The following PPIP5K2 variants were observed in gnomAD, a reference collection of about 807,000 sequenced individuals.
PPIP5K2 encodes inositol hexakisphosphate and diphosphoinositol-pentakisphosphate kinase 2.
In PPIP5K2, 105 loss-of-function variants were observed where a neutral mutation model predicts 154.6. That is an observed-to-expected ratio of 0.68 (90% CI 0.58 to 0.80). The LOEUF (loss-of-function observed/expected upper bound fraction) is 0.80, where lower values mean the gene tolerates loss of function less well. Ranked by LOEUF, PPIP5K2 falls within the 30% of genes least tolerant of loss-of-function variation. PPIP5K2 has a pLI of 0.00. For missense variants in PPIP5K2, 992 were observed against 1,504.6 expected (o/e 0.66, Z 5.64); for synonymous variants, 480 against 490.3 (o/e 0.98, Z 0.28).
chr5:103,129,474 T>C lies in PPIP5K2; in HGVS notation c.-116T>C. The stretch of plus-strand genomic sequence containing the variant: ...AGTGATTGTATAAGCAGAAACAAGC[T>C]GTCACAGACCTGTGCGTCAGCTAAT... On this transcript the variant is annotated 5_prime_UTR_variant, in exon 2 of 31. Coordinates refer to ENST00000358359, the MANE Select transcript of PPIP5K2 (RefSeq NM_001276277.3). The C allele has an allele frequency of 1.4e-6, 1 of 716,870 alleles. No homozygotes were observed. The highest frequency in any genetic ancestry group is 2.1e-6 in the Non-Finnish European group (1 of 478,696). The allele number at this position is 716,870 out of a possible 1,614,324, so 44.4% of individuals were successfully genotyped here.
intron 21 of PPIP5K2, chr5:103,176,766 G>A (rs1554221056): frequency 8.2e-6 from 5 of 608,344 alleles, no homozygotes; most frequent in Non-Finnish European, 1.4e-5. Flanking sequence ...ACTTTGAGTA[G>A]TTTTGCCTTT....
intron 1 of PPIP5K2, among the ~76,000 whole-genome samples, chr5:103,127,316 C>T (rs2149444684): frequency 6.6e-6 from 1 of 152,230 alleles, no homozygotes; most frequent in East Asian, 1.9e-4. Flanking sequence ...AGTAGATAGA[C>T]ATTTATTACA....
Position 103,159,143 on chromosome 5 carries a change from TA to T in PPIP5K2, c.1738-2del. ...TCGTGTTTTCTTTATTTAATATGCT[TA>T]GGGGCTTTTAGCTTTGGAAGGAGAG... On this transcript the variant is annotated splice_acceptor_variant, in intron 16 of 30. Coordinates refer to ENST00000358359, the MANE Select transcript of PPIP5K2 (RefSeq NM_001276277.3). LOFTEE classifies it high-confidence loss of function. 3 of 1,559,458 alleles carry T rather than the reference TA, an allele frequency of 1.9e-6. No homozygotes were observed. Among genetic ancestry groups the T allele is most frequent in the Non-Finnish European group, 2.6e-6 (3 of 1,148,792 alleles).
In PPIP5K2 at chr5:103,154,675, T is replaced by C; in HGVS notation, c.1223T>C (p.Phe408Ser). ...TGTTCTGTCTTTTTTATAAGATTTT[T>C]TGATCTTTTTGAAAAGTGTGATGGA... ...MKMEVRHQKF[F>S]DLFEKCDGYK... is the part of the protein sequence containing the mutation. The change falls in exon 12 of 31, where the codon TTT becomes TCT. Residue 408 changes from phenylalanine to serine, a missense_variant. Physicochemically the swap from Phe to Ser is radical, Grantham distance 155. This residue lies in a region of PPIP5K2 where 163 missense variants were observed against 285.2 expected (regional missense o/e 0.57). Transcript: ENST00000358359. 1 of 1,517,004 alleles carries C rather than the reference T, an allele frequency of 6.6e-7. No homozygotes were observed. Among genetic ancestry groups the C allele is most frequent in the African/African-American group, 1.4e-5 (1 of 71,808 alleles). 94.0% of individuals were successfully genotyped at this position (1,517,004 alleles called of 1,614,324 possible).
chr5:103,158,596 A>T, intron 16 of PPIP5K2, 23 bp downstream of exon 16: 1 of 1,541,434 alleles, frequency 6.5e-7, no homozygotes, highest in Non-Finnish European at 8.7e-7. Context: ...TTTTTTTAGA[A>T]TTATTAGAGT....
chr5:103,191,155 C>CT (rs1801169406), intron 29 of PPIP5K2, 173 bp downstream of exon 29: 22 of 453,830 alleles, frequency 4.8e-5, no homozygotes, highest in East Asian at 7.4e-5. Context: ...AACTGTACCT[C>CT]TTTTTTTTAC....
At chr5:103,138,512 C>G in intron 5 of PPIP5K2, 43 bp downstream of exon 5, 2 of 1,310,818 alleles carry the variant, frequency 1.5e-6, no homozygotes, top group Non-Finnish European at 2.2e-6. Context: ...TGCCACTTGA[C>G]ATACTTTTGG....
Position 103,132,668 on chromosome 5 carries a change from T to G in PPIP5K2, c.115-785T>G, listed in dbSNP as rs2149468415. 1.3e-5 allele frequency among the ~76,000 whole-genome samples: 2 copies of G among 152,294 alleles called. 1 individual carries two copies. The highest frequency in any genetic ancestry group is 4.1e-4 in the South Asian group (2 of 4,832). On this transcript the variant is annotated intron_variant, in intron 2 of 30. Transcript: ENST00000358359. ...AATGTTGTATGAAATATATAAAGTA[T>G]CATGCAAGAAAGAAAAATTGAAATG...
At chr5:103,155,709 A>C (rs1333007243) in intron 13 of PPIP5K2, among the ~76,000 whole-genome samples, 200 bp from the exon 14 acceptor site, 2 of 151,780 alleles carry the variant, frequency 1.3e-5, no homozygotes, top group Non-Finnish European at 2.9e-5. Flanking sequence ...TACAGGCTTG[A>C]GCCATGGCAC....
chr5:103,157,311 G>A (rs976133142), intron 14 of PPIP5K2, among the ~76,000 whole-genome samples: 31 of 152,022 alleles, frequency 2.0e-4, no homozygotes, highest in Admixed American at 1.7e-3. Flanking sequence ...AAAATACTCT[G>A]ATGTGTAACA....
At chr5:103,155,574 C>T (rs1029108768) in intron 13 of PPIP5K2, among the ~76,000 whole-genome samples, 3 of 151,140 alleles carry the variant, frequency 2.0e-5, no homozygotes, top group Non-Finnish European at 4.4e-5. Context: ...ACCACAGGCA[C>T]ACACCACCAT....
At chr5:103,175,169 G>A (rs1798517846) in intron 21 of PPIP5K2, among the ~76,000 whole-genome samples, 1 of 152,122 alleles carries the variant, frequency 6.6e-6, no homozygotes, top group Non-Finnish European at 1.5e-5. Context: ...GAAGGGCAGT[G>A]ACATATATAG....
intron 8 of PPIP5K2, 59 bp downstream of exon 8, chr5:103,149,372 G>A (rs1794244400): frequency 6.8e-7 from 1 of 1,462,726 alleles, no homozygotes; most frequent in African/African-American, 1.4e-5. Context: ...TTTCTTTTTT[G>A]ACTAAGACAT....
At chr5:103,159,041 T>G (rs1342048166) in intron 16 of PPIP5K2, 105 bp from the exon 17 acceptor site, 1 of 802,018 alleles carries the variant, frequency 1.2e-6, no homozygotes, top group East Asian at 3.0e-5. Context: ...ATAAAGTTTA[T>G]TTATGATAAA....
In PPIP5K2 at chr5:103,180,013, G is replaced by C. The variant is rs1554222057; in HGVS notation, c.2755-8G>C. ...ATAGTAAAAGTGTTTTATATTCTTT[G>C]CTCACAGAATGAAGGCAGGAGACCT... On this transcript the variant is annotated splice_polypyrimidine_tract_variant and splice_region_variant and intron_variant, in intron 23 of 30. Coordinates refer to ENST00000358359, the MANE Select transcript of PPIP5K2 (RefSeq NM_001276277.3). 4.6e-6 allele frequency: 7 copies of C among 1,511,256 alleles called. No individual in the cohort carries two copies. The highest frequency in any genetic ancestry group is 5.3e-6 in the Non-Finnish European group (6 of 1,131,292). The allele number at this position is 1,511,256 out of a possible 1,614,324, so 93.6% of individuals were successfully genotyped here. A position where few individuals can be genotyped will look rare whatever the true frequency, so the allele number is the denominator to read the frequency against.
At chr5:103,141,627 A>T (rs1554206786) in intron 5 of PPIP5K2, among the ~76,000 whole-genome samples, 1 of 152,170 alleles carries the variant, frequency 6.6e-6, no homozygotes, top group Non-Finnish European at 1.5e-5. Flanking sequence ...CAGATTAGTT[A>T]GATACAGAGT....
At chr5:103,145,545 A>G (rs1327191572) in intron 5 of PPIP5K2, among the ~76,000 whole-genome samples, 1 of 152,118 alleles carries the variant, frequency 6.6e-6, no homozygotes, top group African/African-American at 2.4e-5. Flanking sequence ...AGATAATGGT[A>G]TATTATTCAG....
rs782035628 is a variant in PPIP5K2, at chr5:103,183,369, T to C, written c.3058T>C (p.Leu1020=). 6.8e-6 allele frequency: 11 copies of C among 1,611,262 alleles called. No individual in the cohort carries two copies. The East Asian group carries it at 1.8e-4, about 26-fold the overall frequency. ...TTCTTCCCCTGTCTCCCCCAAATCA[T>C]TGGCTTTCACATCCAGTATTTTTGG... ...ITSSPVSPKS[L]AFTSSIFGSW... Residue 1020 remains leucine, a synonymous_variant, in exon 25 of 31, where the codon TTG becomes CTG. Coordinates refer to ENST00000358359, the MANE Select transcript of PPIP5K2 (RefSeq NM_001276277.3).
intron 17 of PPIP5K2, among the ~76,000 whole-genome samples, chr5:103,163,086 G>GTTTTTTT (rs35922283): frequency 5.0e-5 from 3 of 59,862 alleles, no homozygotes; most frequent in Non-Finnish European, 6.7e-5. Context: ...TTCTTCAAGT[G>GTTTTTTT]TTTTTTTTTT....
Sources: allele counts gnomAD v4.1 joint callset (sites outside exome capture counted in the v4.1 genomes callset), GRCh38; gene constraint gnomAD v4.1.1; regional missense constraint gnomAD v4.1.1; transcripts MANE v1.5; gene names NCBI Gene and HGNC (gene_info 2026-07-23, HGNC 2026-07-21).